Variants in AK7 observed in about 807,000 individuals in gnomAD.
AK7 encodes ATP-AMP transphosphorylase 7.
Under a neutral mutation model 96.6 loss-of-function variants are expected in AK7, and 78 were observed. That is an observed-to-expected ratio of 0.81 (90% confidence interval 0.67 to 0.97). The LOEUF (loss-of-function observed/expected upper bound fraction) is 0.97. Among genes scored for constraint, AK7 ranks in the 50% least tolerant of loss-of-function variants. AK7 has a pLI of 0.00. For missense variants in AK7, 855 were observed against 887.9 expected (o/e 0.96, Z 0.47); for synonymous variants, 302 against 317.2 (o/e 0.95, Z 0.51).
At chr14:96,426,432 A>G (rs1468051338) in intron 5 of AK7, among the ~76,000 whole-genome samples, 1 of 152,230 alleles carries the variant, frequency 6.6e-6, no homozygotes, top group East Asian at 1.9e-4. Context: ...CTTCCTACTT[A>G]GAATGAGATA....
At chr14:96,482,952 A>C in intron 15 of AK7, 47 bp from the exon 16 acceptor site, 11 of 1,549,434 alleles carry the variant, frequency 7.1e-6, no homozygotes, top group South Asian at 1.1e-5. Context: ...AATTGCAGGC[A>C]GGCCTAGAAT....
chr14:96,448,126 CAAAA>C (rs557075450), intron 8 of AK7, among the ~76,000 whole-genome samples: 4 of 81,932 alleles, frequency 4.9e-5, no homozygotes, highest in Admixed American at 1.3e-4. Context: ...GAGACCCTGT[CAAAA>C]AAAAAAAAAA....
intron 1 of AK7, among the ~76,000 whole-genome samples, chr14:96,397,764 T>A (rs1051132440): frequency 1.3e-5 from 2 of 152,198 alleles, no homozygotes; most frequent in African/African-American, 4.8e-5. Context: ...ATTTCTATAT[T>A]TCTGTTGGAC....
intron 4 of AK7, among the ~76,000 whole-genome samples, chr14:96,418,962 C>T (rs1410616529): frequency 6.6e-6 from 1 of 152,198 alleles, no homozygotes; most frequent in Non-Finnish European, 1.5e-5. Flanking sequence ...ATTTTTAAAA[C>T]CCTGAAACCC....
chr14:96,468,657 C>T (rs577685000), intron 12 of AK7, among the ~76,000 whole-genome samples: 34 of 152,108 alleles, frequency 2.2e-4, no homozygotes, highest in African/African-American at 8.0e-4. Flanking sequence ...TAAGACAGTA[C>T]AGTTTCCTGG....
chr14:96,402,856 G>A (rs954529102), intron 2 of AK7, among the ~76,000 whole-genome samples: 8 of 151,966 alleles, frequency 5.3e-5, no homozygotes, highest in Admixed American at 2.0e-4. Flanking sequence ...TCAGCCAGGC[G>A]CAGTAGCTCA....
chr14:96,447,821 T>TC (rs1893330551), intron 8 of AK7, among the ~76,000 whole-genome samples: 3 of 152,132 alleles, frequency 2.0e-5, no homozygotes, highest in Admixed American at 2.0e-4. Context: ...AGCTTCCTCT[T>TC]CCAGTCCAGG....
At chr14:96,439,827 G>T (rs1317042914) in intron 6 of AK7, among the ~76,000 whole-genome samples, 1 of 152,116 alleles carries the variant, frequency 6.6e-6, no homozygotes, top group Non-Finnish European at 1.5e-5. Flanking sequence ...AGCTGGAGGG[G>T]AATTGAAGAC....
rs11449244 is a variant in AK7, at chr14:96,419,784, C to CTTT, written c.499-1036_499-1034dup. 6.4e-3 allele frequency among the ~76,000 whole-genome samples: 654 copies of CTTT among 101,612 alleles called. 50 individuals are homozygous for CTTT. The highest frequency in any genetic ancestry group is 0.017 in the African/African-American group (368 of 21,100). 66.7% of individuals were successfully genotyped at this position (101,612 alleles called of 152,430 possible). On this transcript the variant is annotated intron_variant, in intron 4 of 17. Coordinates refer to ENST00000267584, the MANE Select transcript of AK7 (RefSeq NM_152327.5). ...TCTCCTAAAGCATTTTTTTTTCTTTCTTTTCTTTTTTTTTTTTTTTTGAGA... is the reference window on the plus strand; with the variant it reads ...TCTCCTAAAGCATTTTTTTTTCTTTCTTTTTTTCTTTTTTTTTTTTTTTTGAGA...
chr14:96,394,886 G>A (rs1276333012), intron 1 of AK7, among the ~76,000 whole-genome samples: 5 of 152,148 alleles, frequency 3.3e-5, no homozygotes, highest in Non-Finnish European at 7.3e-5. Flanking sequence ...CGAGGCAGGA[G>A]AATCATTTGA....
chr14:96,472,828 T>A (rs1216012240), intron 14 of AK7, 73 bp downstream of exon 14: 1 of 1,336,184 alleles, frequency 7.5e-7, no homozygotes, highest in African/African-American at 1.5e-5. Flanking sequence ...ACGCCTGTAA[T>A]CTCAGAACTT....
chr14:96,470,717 G>A (rs1894836479), intron 12 of AK7, among the ~76,000 whole-genome samples: 1 of 152,214 alleles, frequency 6.6e-6, no homozygotes, highest in South Asian at 2.1e-4. Flanking sequence ...AAGTTTGATT[G>A]TTAGTCAAAT....
rs776014885 is a variant in AK7, at chr14:96,398,218, C to T, written c.249C>T (p.Ser83=). Residue 83 remains serine, a synonymous_variant, in exon 2 of 18, where the codon TCC becomes TCT. Transcript: ENST00000267584. ...EGTFQIVGTL[S]KPDSPRPDFA... ...CATTCCAGATTGTGGGCACGCTGTC[C>T]AAGCCTGACAGCCCGCGGCCTGACT... The T allele has an allele frequency of 8.1e-6, 13 of 1,613,828 alleles. No homozygotes were observed. The South Asian group carries it at 1.4e-4, about 18-fold the overall frequency.
At chr14:96,430,223 T>C (rs1340690869) in intron 5 of AK7, among the ~76,000 whole-genome samples, 3 of 145,326 alleles carry the variant, frequency 2.1e-5, no homozygotes, top group Non-Finnish European at 4.5e-5. Context: ...TCTCACTCTG[T>C]CACCCAGGCT....
chr14:96,464,765 A>C (rs73351138), intron 12 of AK7, among the ~76,000 whole-genome samples: 53,101 of 151,930 alleles, frequency 0.35, 9,481 homozygotes, highest in Middle Eastern at 0.4. Context: ...TGTTCTCAAA[A>C]TATCAGGACA....
rs1731977221 is a variant in AK7, at chr14:96,458,208, T to C, written c.1353T>C (p.Asn451=). ...LDGIKESMEQ[N]AGQLDDQYII... is the part of the protein sequence containing the mutation. ...GCATCAAGGAGAGCATGGAGCAGAA[T>C]GCAGGTAACACACACCCAGCAGAGA... is the stretch of plus-strand genomic sequence containing the variant. Residue 451 remains asparagine, a synonymous_variant, in exon 12 of 18, where the codon AAT becomes AAC. Coordinates refer to ENST00000267584, the MANE Select transcript of AK7 (RefSeq NM_152327.5). 1 of 1,613,648 alleles carries C rather than the reference T, an allele frequency of 6.2e-7. No individual in the cohort carries two copies. The highest frequency in any genetic ancestry group is 8.5e-7 in the Non-Finnish European group (1 of 1,179,822).
At chr14:96,421,060 G>C (rs1401964670) in intron 5 of AK7, 128 bp downstream of exon 5, 1 of 582,032 alleles carries the variant, frequency 1.7e-6, no homozygotes, top group Non-Finnish European at 3.0e-6. Context: ...GTCCTTAGGG[G>C]TCCTGGCCCA....
intron 10 of AK7, among the ~76,000 whole-genome samples, chr14:96,454,254 C>T (rs534881755): frequency 4.6e-5 from 7 of 152,198 alleles, no homozygotes; most frequent in South Asian, 2.1e-4. Flanking sequence ...TTTTCATGAG[C>T]GCAATTCTAA....
chr14:96,455,176 A>G (rs1420972651), intron 10 of AK7, among the ~76,000 whole-genome samples: 1 of 151,862 alleles, frequency 6.6e-6, no homozygotes, highest in Non-Finnish European at 1.5e-5. Flanking sequence ...TCAAAATAGT[A>G]ACAATAATAA....
Sources: gnomAD v4.1 joint callset for allele counts (sites outside exome capture counted in the v4.1 genomes callset) on GRCh38, gnomAD v4.1.1 for gene constraint, MANE v1.5 for transcripts, NCBI Gene and HGNC (gene_info 2026-07-23, HGNC 2026-07-21) for gene names.